The following PID1 variants were observed in gnomAD, a reference collection of about 807,000 sequenced individuals.
The protein encoded by PID1 is PTB-containing, cubilin and LRP1-interacting protein.
In PID1, 10 loss-of-function variants were observed where a neutral mutation model predicts 19.1. The observed-to-expected ratio is 0.52, with a 90% CI of 0.32 to 0.89. PID1 has a LOEUF of 0.89. Ranked by LOEUF, PID1 falls within the 40% of genes least tolerant of loss-of-function variation. The probability of loss-of-function intolerance (pLI) is 0.03; values close to 1 mark genes in which losing one functional copy is unlikely to be tolerated. For synonymous variants in PID1, 130 were observed against 116.0 expected (o/e 1.12, Z -0.78); for missense variants, 248 against 285.3 (o/e 0.87, Z 0.94).
rs535089188 is a variant in PID1, at chr2:229,056,298, G to A, written c.178-30190C>T. ...CCAAACCCTTGCCATTTACGGTCAC[G>A]AGAGTGCCACATAACAAGCCACTGA... On this transcript the variant is annotated intron_variant, in intron 2 of 2. Transcript: ENST00000392055. Among the ~76,000 whole-genome samples the A allele has an allele frequency of 3.9e-5, 6 of 152,180 alleles. No individual in the cohort carries two copies. In the East Asian group the frequency reaches 5.8e-4, roughly 15 times the overall value.
chr2:229,266,723 T>C (rs1008549434), intron 1 of PID1, among the ~76,000 whole-genome samples: 3 of 152,212 alleles, frequency 2.0e-5, no homozygotes, highest in Non-Finnish European at 2.9e-5. Flanking sequence ...TGGCCTTCAG[T>C]TTCTCTCTAA....
At position 229,232,172 on chromosome 2, in the gene PID1, C is replaced by T. The variant is rs1440104002; in HGVS notation, c.30+38842G>A. Reference sequence around the variant, plus strand: ...GGTGCAGTGGCTCACGCCTGTAATCCCAGCACTCTGGGAGGCCGAGACAGT... The same window carrying T: ...GGTGCAGTGGCTCACGCCTGTAATCTCAGCACTCTGGGAGGCCGAGACAGT... On this transcript the variant is annotated intron_variant, in intron 1 of 2. Coordinates refer to ENST00000392055, the MANE Select transcript of PID1 (RefSeq NM_001100818.2). The T allele has an allele frequency of 5.0e-6, 7 of 1,409,808 alleles. No individual in the cohort carries two copies. In the South Asian group the frequency reaches 8.0e-5, roughly 16 times the overall value. The allele number at this position is 1,409,808 out of a possible 1,614,324, so 87.3% of individuals were successfully genotyped here. A position where few individuals can be genotyped will look rare whatever the true frequency, so the allele number is the denominator to read the frequency against.
intron 1 of PID1, among the ~76,000 whole-genome samples, chr2:229,213,341 G>C (rs994349000): frequency 6.6e-6 from 1 of 152,106 alleles, no homozygotes; most frequent in African/African-American, 2.4e-5. Context: ...AACCGCACCA[G>C]GCTCTCCAGC....
At chr2:229,149,891 T>A (rs1391179220) in intron 2 of PID1, among the ~76,000 whole-genome samples, 1 of 151,904 alleles carries the variant, frequency 6.6e-6, no homozygotes, top group African/African-American at 2.4e-5. Context: ...AATCAAGACA[T>A]GGACACCTTC....
chr2:229,218,576 A>C (rs1691899697), intron 1 of PID1, among the ~76,000 whole-genome samples: 1 of 152,196 alleles, frequency 6.6e-6, no homozygotes, highest in Admixed American at 6.5e-5. Flanking sequence ...CAAAAGCAGG[A>C]TGGTGCAGAC....
chr2:229,234,394 G>A (rs1000086198), intron 1 of PID1, among the ~76,000 whole-genome samples: 1 of 152,192 alleles, frequency 6.6e-6, no homozygotes, highest in African/African-American at 2.4e-5. Flanking sequence ...GATGCCATGT[G>A]AGACAGATGC....
At chr2:229,067,340 A>C (rs1694349584) in intron 2 of PID1, among the ~76,000 whole-genome samples, 2 of 152,302 alleles carry the variant, frequency 1.3e-5, no homozygotes, top group African/African-American at 4.8e-5. Context: ...TCAATTTCTT[A>C]GCATAAAATC....
chr2:229,247,527 T>C (rs558701840), intron 1 of PID1, among the ~76,000 whole-genome samples: 1 of 152,318 alleles, frequency 6.6e-6, no homozygotes, highest in South Asian at 2.1e-4. Context: ...TCATAACTAG[T>C]GCAAGCGAAC....
In PID1 at chr2:229,066,490, A is replaced by G. The variant is rs76019024; in HGVS notation, c.178-40382T>C. ...TTTTGAAAACCATTCTAACTTTTAT[A>G]TATGCAAAAACAGTCTCAAACACTG... On this transcript the variant is annotated intron_variant, in intron 2 of 2. Coordinates refer to ENST00000392055, the MANE Select transcript of PID1 (RefSeq NM_001100818.2). Among the ~76,000 whole-genome samples the G allele has an allele frequency of 2.7e-3, 416 of 152,258 alleles. 4 individuals carry two copies. The highest frequency in any genetic ancestry group is 9.8e-3 in the African/African-American group (408 of 41,546).
intron 2 of PID1, 25 bp downstream of exon 2, chr2:229,155,792 AC>A (rs766460651): frequency 1.9e-6 from 3 of 1,585,004 alleles, no homozygotes. Context: ...CACCAAGAGA[AC>A]CCCTGCTGGC....
At chr2:229,262,702 C>G in intron 1 of PID1, 1 of 1,551,336 alleles carries the variant, frequency 6.4e-7, no homozygotes, top group Non-Finnish European at 8.7e-7. Context: ...GGCTGGAAGT[C>G]CAAAATGTAA....
intron 2 of PID1, among the ~76,000 whole-genome samples, chr2:229,049,067 T>C (rs922128973): frequency 1.3e-5 from 2 of 152,320 alleles, no homozygotes; most frequent in South Asian, 4.1e-4. Flanking sequence ...GAGATGACTA[T>C]GGGCATCTTT....
chr2:229,029,562 G>A (rs1422791591), intron 2 of PID1, among the ~76,000 whole-genome samples: 1 of 152,082 alleles, frequency 6.6e-6, no homozygotes, highest in Non-Finnish European at 1.5e-5. Context: ...CAAAGTAGAG[G>A]CCGGGCGCAG....
intron 1 of PID1, among the ~76,000 whole-genome samples, chr2:229,256,037 G>C (rs1361846423): frequency 6.6e-6 from 1 of 152,176 alleles, no homozygotes; most frequent in African/African-American, 2.4e-5. Context: ...CAAGGACCTG[G>C]TTCTGTTTCC....
At chr2:229,245,710 G>A (rs1689983315) in intron 1 of PID1, among the ~76,000 whole-genome samples, 1 of 152,098 alleles carries the variant, frequency 6.6e-6, no homozygotes, top group Admixed American at 6.6e-5. Flanking sequence ...ACACTCAGAA[G>A]AAGCTAATGA....
chr2:229,087,503 C>T (rs527416353), intron 2 of PID1, among the ~76,000 whole-genome samples: 2 of 152,302 alleles, frequency 1.3e-5, no homozygotes, highest in African/African-American at 4.8e-5. Context: ...TTCCTGATCC[C>T]AGTACAGGCT....
chr2:229,075,829 C>T (rs373771112), intron 2 of PID1, among the ~76,000 whole-genome samples: 5 of 152,346 alleles, frequency 3.3e-5, no homozygotes, highest in African/African-American at 1.2e-4. Context: ...CTTGTCCCTG[C>T]CCTCCCTGGT....
At chr2:229,026,175 T>G in intron 2 of PID1, 67 bp from the exon 3 acceptor site, 1 of 1,031,112 alleles carries the variant, frequency 9.7e-7, no homozygotes, top group African/African-American at 1.6e-5. Flanking sequence ...ATAGACTGAA[T>G]GAGTAGCTGT....
At chr2:229,109,845 A>C (rs1695260752) in intron 2 of PID1, among the ~76,000 whole-genome samples, 1 of 152,222 alleles carries the variant, frequency 6.6e-6, no homozygotes. Context: ...ATCAGTGAAG[A>C]GCAGATTCAA....
Sources: allele counts gnomAD v4.1 joint callset (sites outside exome capture counted in the v4.1 genomes callset), GRCh38; gene constraint gnomAD v4.1.1; transcripts MANE v1.5; gene names NCBI Gene and HGNC (gene_info 2026-07-23, HGNC 2026-07-21).